The following AOPEP variants were observed in gnomAD, a reference collection of about 807,000 sequenced individuals.
AOPEP encodes aminopeptidase O (putative).
Under a neutral mutation model 98.1 loss-of-function variants are expected in AOPEP, and 77 were observed. That is an observed-to-expected ratio of 0.78 (90% CI 0.65 to 0.95). AOPEP has a LOEUF of 0.95. Among genes scored for constraint, AOPEP ranks in the 40% least tolerant of loss-of-function variants. The probability of loss-of-function intolerance (pLI) is 0.00; values close to 1 mark genes in which losing one functional copy is unlikely to be tolerated. For missense variants in AOPEP, 1,024 were observed against 1,024.7 expected (o/e 1.00, Z 0.01); for synonymous variants, 346 against 365.3 (o/e 0.95, Z 0.60).
At chr9:95,073,521 C>G (rs1315855420) in intron 14 of AOPEP, among the ~76,000 whole-genome samples, 2 of 150,380 alleles carry the variant, frequency 1.3e-5, no homozygotes, top group Non-Finnish European at 3.0e-5. Flanking sequence ...GCGGGGGCTC[C>G]CGCCTGTAAT....
At chr9:94,863,559 G>T (rs1354571854) in intron 5 of AOPEP, among the ~76,000 whole-genome samples, 1 of 152,074 alleles carries the variant, frequency 6.6e-6, no homozygotes, top group Admixed American at 6.5e-5. Flanking sequence ...GGGATTACAG[G>T]TGCATGCCAC....
chr9:94,982,343 A>G (rs1202758448), intron 11 of AOPEP, among the ~76,000 whole-genome samples: 1 of 152,184 alleles, frequency 6.6e-6, no homozygotes, highest in Non-Finnish European at 1.5e-5. Flanking sequence ...AGCAAAATAG[A>G]AAATGTGAAA....
At chr9:95,107,669 T>C in the AOPEP span, among the ~76,000 whole-genome samples, 2 of 152,190 alleles carry the variant, frequency 1.3e-5, no homozygotes, top group African/African-American at 2.4e-5. Context: ...GCCGAGCCAG[T>C]GTTCCCATAC....
At chr9:94,743,706 G>A (rs1833788642) in intron 1 of AOPEP, among the ~76,000 whole-genome samples, 1 of 152,130 alleles carries the variant, frequency 6.6e-6, no homozygotes, top group African/African-American at 2.4e-5. Flanking sequence ...TGGAGTGGAG[G>A]ACAGAGGCCA....
chr9:94,743,120 T>G (rs1181997750), intron 1 of AOPEP, among the ~76,000 whole-genome samples: 2 of 152,018 alleles, frequency 1.3e-5, no homozygotes, highest in Non-Finnish European at 2.9e-5. Context: ...TAGCCATTCC[T>G]TTATTCCTTT....
At chr9:95,082,020 G>A (rs981471743) in intron 15 of AOPEP, among the ~76,000 whole-genome samples, 5 of 151,958 alleles carry the variant, frequency 3.3e-5, no homozygotes, top group East Asian at 1.9e-4. Context: ...GAGCCGGTGC[G>A]GGCTACGGTG....
At chr9:95,139,862 A>G in the AOPEP span, among the ~76,000 whole-genome samples, 1 of 147,484 alleles carries the variant, frequency 6.8e-6, no homozygotes, top group Non-Finnish European at 1.5e-5. Flanking sequence ...AAATATATAT[A>G]TTCATTCATT....
At chr9:95,104,511 A>G in the AOPEP span, among the ~76,000 whole-genome samples, 5 of 152,104 alleles carry the variant, frequency 3.3e-5, no homozygotes, top group African/African-American at 1.2e-4. Context: ...GTCAGGAGGG[A>G]CTGCCCCACA....
intron 7 of AOPEP, chr9:94,932,421 T>C (rs1051436097): frequency 5.9e-5 from 14 of 236,322 alleles, no homozygotes; most frequent in Non-Finnish European, 7.6e-5. Context: ...TTTGTGCCTT[T>C]CATACATCCA....
At chr9:95,015,114 A>G (rs1290229064) in intron 13 of AOPEP, among the ~76,000 whole-genome samples, 1 of 152,216 alleles carries the variant, frequency 6.6e-6, no homozygotes, top group Non-Finnish European at 1.5e-5. Flanking sequence ...TAGAGTTTCC[A>G]TGCCTGGTCT....
At chr9:95,063,917 C>CA (rs35040077) in intron 14 of AOPEP, among the ~76,000 whole-genome samples, 28 of 147,030 alleles carry the variant, frequency 1.9e-4, no homozygotes, top group African/African-American at 6.1e-4. Flanking sequence ...AAGGCAGTTT[C>CA]AAAAAAAAAA....
chr9:95,118,667 A>C, the AOPEP span, among the ~76,000 whole-genome samples: 1 of 152,202 alleles, frequency 6.6e-6, no homozygotes, highest in Admixed American at 6.5e-5. Flanking sequence ...AACATAAAGT[A>C]TGTTTTCTTT....
At chr9:95,082,894 G>A in intron 16 of AOPEP, 175 bp downstream of exon 16, 1 of 667,892 alleles carries the variant, frequency 1.5e-6, no homozygotes, top group Admixed American at 3.1e-5. Context: ...TGGTATGGGA[G>A]CCCCGGGTCC....
At chr9:94,974,070 C>G (rs2059692206) in intron 10 of AOPEP, among the ~76,000 whole-genome samples, 1 of 152,302 alleles carries the variant, frequency 6.6e-6, no homozygotes, top group Admixed American at 6.5e-5. Context: ...GACCTACATC[C>G]TGTTTCTTCC....
At chr9:95,095,341 G>C in the AOPEP span, among the ~76,000 whole-genome samples, 1 of 152,274 alleles carries the variant, frequency 6.6e-6, no homozygotes, top group South Asian at 2.1e-4. Context: ...AAGCTGCCGT[G>C]GAGATGGTTG....
At chr9:94,957,367 C>T (rs2058538465) in intron 9 of AOPEP, among the ~76,000 whole-genome samples, 1 of 152,088 alleles carries the variant, frequency 6.6e-6, no homozygotes. Flanking sequence ...GCCACGACAC[C>T]CTGCTAATTT....
intron 5 of AOPEP, among the ~76,000 whole-genome samples, chr9:94,849,996 C>T (rs1389061553): frequency 1.3e-5 from 2 of 148,660 alleles, no homozygotes; most frequent in African/African-American, 2.5e-5. Context: ...GATCATGCCA[C>T]GGCACTCCAG....
At chr9:94,923,295 G>A (rs1334329298) in intron 5 of AOPEP, among the ~76,000 whole-genome samples, 1 of 152,120 alleles carries the variant, frequency 6.6e-6, no homozygotes, top group Non-Finnish European at 1.5e-5. Context: ...GCCAGTCCTG[G>A]GGCCATTTGC....
At chr9:94,849,127 G>A (rs2043215968) in intron 5 of AOPEP, among the ~76,000 whole-genome samples, 2 of 152,350 alleles carry the variant, frequency 1.3e-5, no homozygotes, top group African/African-American at 4.8e-5. Context: ...TGCTAAAATG[G>A]GGCAGGGGGT....
Sources: allele counts gnomAD v4.1 joint callset (sites outside exome capture counted in the v4.1 genomes callset), GRCh38; gene constraint gnomAD v4.1.1; transcripts MANE v1.5; gene names NCBI Gene and HGNC (gene_info 2026-07-23, HGNC 2026-07-21).